The following SYT12 variants were observed in gnomAD, a reference collection of about 807,000 sequenced individuals.
SYT12 encodes the protein synaptotagmin-12.
SYT12 carries 27 observed loss-of-function variants against 39.5 expected under a neutral mutation model. That is an observed-to-expected ratio of 0.68 (90% CI 0.50 to 0.94). The LOEUF is 0.94. SYT12 is among the 40% of genes least tolerant of loss of function. SYT12 has a pLI of 0.00. For missense variants in SYT12, 536 were observed against 572.6 expected, an observed-to-expected ratio of 0.94 and a Z score of 0.65; for synonymous variants, 233 against 239.7, an observed-to-expected ratio of 0.97 and a Z score of 0.26.
chr11:67,046,535 C>T (rs1454521658), intron 7 of SYT12, among the ~76,000 whole-genome samples: 2 of 152,236 alleles, frequency 1.3e-5, no homozygotes, highest in East Asian at 1.9e-4. Context: ...CGCCTAATCT[C>T]CCCCAACCCG....
At chr11:67,018,161 A>G (rs1304100568), upstream of SYT12, among the ~76,000 whole-genome samples, 2 of 150,488 alleles carry the variant, frequency 1.3e-5, no homozygotes, top group Non-Finnish European at 3.0e-5. Flanking sequence ...TACTTGGGAG[A>G]CTGAGGCAGG....
intron 3 of SYT12, among the ~76,000 whole-genome samples, chr11:67,016,235 C>T (rs1950058079): frequency 6.6e-6 from 1 of 152,200 alleles, no homozygotes; most frequent in Admixed American, 6.6e-5. Context: ...GAGCCGAGAT[C>T]GCACCGCTGC....
At chr11:67,009,891 T>G (rs1279215004) in exon 2 of SYT12, 2 of 153,018 alleles carry the variant, frequency 1.3e-5, no homozygotes, top group Admixed American at 1.3e-4. Context: ...TGGAGTGCAG[T>G]GGCGCGATCT....
rs375472538 is a variant in SYT12 at position 67,048,775 on chromosome 11, T to G, written c.*18T>G. The G allele has an allele frequency of 6.3e-7, 1 of 1,585,658 alleles. No individual in the cohort carries two copies. Among genetic ancestry groups the G allele is most frequent in the East Asian group, 2.3e-5 (1 of 44,058 alleles). On this transcript the variant is annotated 3_prime_UTR_variant, in exon 8 of 8. Transcript: ENST00000527043. ...GAAACTAGCAACCAGGGCGGGCCAG[T>G]TGGGCAATGGAGCTGCTGGAGCCCG...
chr11:67,032,864 C>T (rs1950296025), intron 2 of SYT12: 2 of 148,078 alleles, frequency 1.4e-5, no homozygotes, highest in African/African-American at 2.5e-5. Flanking sequence ...GAAATCGTGC[C>T]ATTGCACTCC....
chr11:67,008,116 G>A (rs1280367760), intron 1 of SYT12, among the ~76,000 whole-genome samples: 1 of 151,762 alleles, frequency 6.6e-6, no homozygotes, highest in Non-Finnish European at 1.5e-5. Context: ...ACCACGCCCA[G>A]CTAATTTTTG....
At chr11:67,018,059 C>T (rs1387487197) in intron 3 of SYT12, among the ~76,000 whole-genome samples, 1 of 151,244 alleles carries the variant, frequency 6.6e-6, no homozygotes, top group Non-Finnish European at 1.5e-5. Context: ...GTCAGAAGTT[C>T]GAGACCAGCC....
At chr11:67,034,516 G>T (rs1950322672) in intron 2 of SYT12, 129 bp from the exon 3 acceptor site, 2 of 746,022 alleles carry the variant, frequency 2.7e-6, no homozygotes, top group Admixed American at 4.0e-5. Context: ...TTCGACATGG[G>T]ATCTCCAGCA....
chr11:67,022,394 G>A (rs185093470), upstream of SYT12, among the ~76,000 whole-genome samples: 7 of 152,218 alleles, frequency 4.6e-5, no homozygotes, highest in African/African-American at 1.7e-4. Context: ...TGCTCCCCTG[G>A]TTACTGTGCC....
At chr11:67,023,057 CA>C (rs1237766261), upstream of SYT12, 1 of 152,284 alleles carries the variant, frequency 6.6e-6, no homozygotes, top group Non-Finnish European at 1.5e-5. Context: ...CGTCCCCACC[CA>C]CCCCTGTCCC....
At chr11:67,024,395 T>C (rs1950153496) in intron 1 of SYT12, among the ~76,000 whole-genome samples, 1 of 152,148 alleles carries the variant, frequency 6.6e-6, no homozygotes. Context: ...GCCCCCAGCC[T>C]CCCTACTCTG....
In SYT12 at chr11:67,048,716, C is replaced by T. The variant is rs760875835; in HGVS notation, c.1225C>T (p.Arg409Cys). 2.4e-5 allele frequency: 38 copies of T among 1,608,484 alleles called. No homozygotes were observed. Among genetic ancestry groups the T allele is most frequent in the East Asian group, 8.9e-5 (4 of 44,732 alleles). ...THWNQMLATL[R>C]RPVSMWHAVR... ...TTGGAACCAGATGTTGGCCACGCTG[C>T]GCAGGCCCGTGTCCATGTGGCACGC... Residue 409 changes from arginine (R) to cysteine (C), a missense_variant, in exon 8 of 8, where the codon CGC becomes TGC. Transcript: ENST00000527043.
intron 3 of SYT12, among the ~76,000 whole-genome samples, chr11:67,035,837 CCTTTCTTTCTTTCTTTCTTTCTTT>C (rs1157424282): frequency 9.0e-6 from 1 of 111,110 alleles, no homozygotes. Context: ...TTCCTTCCTT[CCTTTCTTTCTTTCTTTCTTTCTTT>C]CTTTCTTTCT....
chr11:67,025,470 G>A (rs1417002997), intron 1 of SYT12, among the ~76,000 whole-genome samples: 1 of 152,124 alleles, frequency 6.6e-6, no homozygotes, highest in East Asian at 1.9e-4. Flanking sequence ...GAGCCACTCT[G>A]GTCCCCCATG....
At chr11:67,045,690 AG>A in intron 6 of SYT12, 53 bp from the exon 7 acceptor site, 2 of 1,598,782 alleles carry the variant, frequency 1.3e-6, no homozygotes, top group Non-Finnish European at 1.7e-6. Context: ...CAAACTGGGC[AG>A]GGCTGTGGTG....
rs147506101 is a variant in SYT12, at chr11:67,044,658, C to A, written c.903C>A (p.Thr301=). 1 of 1,613,678 alleles carries A rather than the reference C, an allele frequency of 6.2e-7. No homozygotes were observed. The highest frequency in any genetic ancestry group is 1.7e-5 in the Admixed American group (1 of 60,022). The stretch of plus-strand genomic sequence containing the variant: ...ACCTCCCCACAGCCGAGCGCCTCAC[C>A]GTGGTCGTGGTTAAGGCCAAGAACC... ...LSYLPTAERL[T]VVVVKAKNLI... is the part of the protein sequence containing the mutation. The change falls in exon 6 of 8, where the codon ACC becomes ACA. Residue 301 remains threonine, a synonymous_variant. Transcript: ENST00000527043.
At chr11:67,046,735 A>G (rs752353381) in intron 7 of SYT12, among the ~76,000 whole-genome samples, 15 of 152,188 alleles carry the variant, frequency 9.9e-5, no homozygotes, top group South Asian at 6.2e-4. Flanking sequence ...AGCCTCTAAA[A>G]GCAAGAGACT....
intron 1 of SYT12, among the ~76,000 whole-genome samples, chr11:67,009,520 G>A (rs1043552800): frequency 3.3e-5 from 5 of 152,136 alleles, no homozygotes; most frequent in African/African-American, 9.7e-5. Context: ...TCGAACTCCT[G>A]GCCTAAAGTG....
intron 3 of SYT12, among the ~76,000 whole-genome samples, chr11:67,035,829 C>CTTTCTTTCTTTCTTT (rs1565337351): frequency 7.0e-5 from 7 of 99,858 alleles, no homozygotes; most frequent in Admixed American, 3.3e-4. Context: ...TTCCTTCCTT[C>CTTTCTTTCTTTCTTT]CTTCCTTCCT....
Sources: gnomAD v4.1 joint callset for allele counts (sites outside exome capture counted in the v4.1 genomes callset) on GRCh38, gnomAD v4.1.1 for gene constraint, MANE v1.5 for transcripts, NCBI Gene and HGNC (gene_info 2026-07-23, HGNC 2026-07-21) for gene names.